The following HNF4G variants were observed in gnomAD, a reference collection of about 807,000 sequenced individuals.
The protein encoded by HNF4G is hepatocyte nuclear factor 4 gamma, also known as hepatocyte nuclear factor 4-gamma.
HNF4G carries 21 observed loss-of-function variants against 50.9 expected under a neutral mutation model. The ratio of observed to expected loss-of-function variants is 0.41; its 90% CI spans 0.29 to 0.59. The LOEUF is 0.59. HNF4G is among the 20% of genes least tolerant of loss of function. The pLI is 0.26. For missense variants in HNF4G, 527 were observed against 559.4 expected (o/e 0.94, Z 0.58); for synonymous variants, 198 against 185.6 (o/e 1.07, Z -0.54).
At chr8:75,448,594 T>C (rs1485211045) in intron 1 of HNF4G, among the ~76,000 whole-genome samples, 2 of 151,526 alleles carry the variant, frequency 1.3e-5, no homozygotes, top group Non-Finnish European at 2.9e-5. Context: ...TTATAATATG[T>C]TATTGTAATA....
intron 7 of HNF4G, 47 bp from the exon 8 acceptor site, chr8:75,558,754 T>C (rs1219537399): frequency 2.5e-6 from 4 of 1,579,360 alleles, no homozygotes; most frequent in Non-Finnish European, 3.5e-6. Context: ...TGTCTCACAC[T>C]GTAATTAGGT....
intron 1 of HNF4G, among the ~76,000 whole-genome samples, chr8:75,429,560 C>A (rs1345533597): frequency 6.6e-6 from 1 of 152,172 alleles, no homozygotes; most frequent in Non-Finnish European, 1.5e-5. Flanking sequence ...CTTTGCTACT[C>A]ACCATGGTTA....
At chr8:75,425,038 C>A (rs1323049674) in intron 1 of HNF4G, among the ~76,000 whole-genome samples, 1 of 151,672 alleles carries the variant, frequency 6.6e-6, no homozygotes, top group Non-Finnish European at 1.5e-5. Context: ...CTTTTCTCTG[C>A]AGCTTCACCA....
intron 1 of HNF4G, among the ~76,000 whole-genome samples, chr8:75,418,901 A>G (rs1363231376): frequency 6.6e-6 from 1 of 151,614 alleles, no homozygotes; most frequent in African/African-American, 2.4e-5. Context: ...CTAATTTTGT[A>G]TTTTTGGTAG....
chr8:75,425,265 G>A (rs1356994468), intron 1 of HNF4G, among the ~76,000 whole-genome samples: 6 of 151,532 alleles, frequency 4.0e-5, no homozygotes, highest in South Asian at 2.1e-4. Context: ...TTGTACTTCA[G>A]TGGAGACGGG....
At chr8:75,500,466 C>A (rs921356564) in intron 2 of HNF4G, among the ~76,000 whole-genome samples, 2 of 152,018 alleles carry the variant, frequency 1.3e-5, no homozygotes, top group Non-Finnish European at 2.9e-5. Flanking sequence ...AGCAGTTTTT[C>A]ATAAAGACAA....
At chr8:75,529,079 G>A (rs1190195828) in intron 2 of HNF4G, among the ~76,000 whole-genome samples, 2 of 151,956 alleles carry the variant, frequency 1.3e-5, no homozygotes, top group African/African-American at 4.8e-5. Flanking sequence ...GAGGTCAGGA[G>A]ATCAAGACCA....
chr8:75,482,411 G>T (rs1447205175), intron 1 of HNF4G, among the ~76,000 whole-genome samples: 1 of 151,958 alleles, frequency 6.6e-6, no homozygotes, highest in Non-Finnish European at 1.5e-5. Flanking sequence ...TGTTACCCAG[G>T]CTGGAAGTGC....
intron 1 of HNF4G, among the ~76,000 whole-genome samples, chr8:75,464,174 C>T (rs954802587): frequency 2.0e-5 from 3 of 151,912 alleles, no homozygotes; most frequent in African/African-American, 7.3e-5. Context: ...GAAGTAGTTT[C>T]ACTCTCAGGA....
At chr8:75,470,193 A>G (rs997520340) in intron 1 of HNF4G, among the ~76,000 whole-genome samples, 3 of 152,212 alleles carry the variant, frequency 2.0e-5, no homozygotes, top group Non-Finnish European at 4.4e-5. Context: ...TTCTCCTGGC[A>G]TTCTCACTGC....
At chr8:75,555,136 G>C (rs1807075617) in intron 5 of HNF4G, among the ~76,000 whole-genome samples, 1 of 152,196 alleles carries the variant, frequency 6.6e-6, no homozygotes, top group Admixed American at 6.5e-5. Context: ...AGAGTTTTCA[G>C]CCTGGACTAG....
intron 2 of HNF4G, among the ~76,000 whole-genome samples, chr8:75,514,971 A>T (rs561032311): frequency 3.5e-4 from 53 of 152,126 alleles, no homozygotes; most frequent in Non-Finnish European, 5.1e-4. Flanking sequence ...ATTAATAAAT[A>T]TACTTGTTAT....
chr8:75,542,293 A>T (rs1250254487), intron 1 of HNF4G, among the ~76,000 whole-genome samples: 1 of 142,054 alleles, frequency 7.0e-6, no homozygotes, highest in Non-Finnish European at 1.5e-5. Flanking sequence ...TGACAAAGCA[A>T]GTCCCTGACT....
At chr8:75,522,036 TG>T (rs1806056582) in intron 2 of HNF4G, among the ~76,000 whole-genome samples, 1 of 152,208 alleles carries the variant, frequency 6.6e-6, no homozygotes, top group African/African-American at 2.4e-5. Context: ...ATGAGTTTAT[TG>T]GGACACGTTT....
At chr8:75,427,143 T>C (rs546312285) in intron 1 of HNF4G, among the ~76,000 whole-genome samples, 9 of 152,360 alleles carry the variant, frequency 5.9e-5, no homozygotes, top group African/African-American at 2.2e-4. Context: ...GTACTGGTTA[T>C]TTGCAGGTAT....
intron 1 of HNF4G, among the ~76,000 whole-genome samples, chr8:75,481,130 T>C (rs1206530235): frequency 6.6e-6 from 1 of 152,236 alleles, no homozygotes; most frequent in East Asian, 1.9e-4. Context: ...TCTGACTTTG[T>C]ATTTTATCCA....
intron 1 of HNF4G, among the ~76,000 whole-genome samples, chr8:75,453,558 G>A (rs1310818191): frequency 7.0e-6 from 1 of 143,378 alleles, no homozygotes; most frequent in Non-Finnish European, 1.5e-5. Flanking sequence ...TTTCCATGCT[G>A]TGGAAGCTTT....
At chr8:75,502,311 C>T (rs766221703) in intron 2 of HNF4G, among the ~76,000 whole-genome samples, 11 of 152,126 alleles carry the variant, frequency 7.2e-5, no homozygotes, top group Admixed American at 2.6e-4. Flanking sequence ...TTTCCCTAAT[C>T]CTCATGAGGA....
chr8:75,517,916 C>T (rs1448207131), intron 2 of HNF4G, among the ~76,000 whole-genome samples: 1 of 152,214 alleles, frequency 6.6e-6, no homozygotes, highest in East Asian at 1.9e-4. Flanking sequence ...CACCATACCT[C>T]TGCCTGGACA....
Sources: gnomAD v4.1 joint callset for allele counts (sites outside exome capture counted in the v4.1 genomes callset) on GRCh38, gnomAD v4.1.1 for gene constraint, MANE v1.5 for transcripts, NCBI Gene and HGNC (gene_info 2026-07-23, HGNC 2026-07-21) for gene names.